Variants in PARD3 observed in about 807,000 individuals in gnomAD.
PARD3 encodes the protein par-3 family cell polarity regulator.
In PARD3, 75 loss-of-function variants were observed where a neutral mutation model predicts 155.4. The ratio of observed to expected loss-of-function variants is 0.48; its 90% CI spans 0.40 to 0.58. The LOEUF (loss-of-function observed/expected upper bound fraction) is 0.58, where lower values mean the gene tolerates loss of function less well. PARD3 is among the 20% of genes least tolerant of loss of function. The pLI is 0.00. For missense variants in PARD3, 1,642 were observed against 1,721.7 expected, an observed-to-expected ratio of 0.95 and a Z score of 0.82; for synonymous variants, 576 against 610.5, an observed-to-expected ratio of 0.94 and a Z score of 0.83.
rs367943578 is a variant in PARD3 at position 34,509,790 on chromosome 10, TGACAA to T, written c.403+7184_403+7188del. Among the ~76,000 whole-genome samples, 1,104 of 151,118 alleles carry T rather than the reference TGACAA, an allele frequency of 7.3e-3. 13 individuals are homozygous for T. Among genetic ancestry groups the T allele is most frequent in the African/African-American group, 0.025 (1,041 of 40,966 alleles). On this transcript the variant is annotated intron_variant, in intron 3 of 24. Transcript: ENST00000374788. ...ACAACAAACACACGCATCGAAAAAA[TGACAA>T]AACAACAAAAAAAAAGCATCACCTG...
intron 12 of PARD3, among the ~76,000 whole-genome samples, chr10:34,363,240 AG>A (rs1839628599): frequency 6.6e-6 from 1 of 152,366 alleles, no homozygotes; most frequent in Admixed American, 6.5e-5. Flanking sequence ...GCATATATGA[AG>A]AAAAATTTTA....
At chr10:34,293,123 T>C (rs927377048) in intron 20 of PARD3, among the ~76,000 whole-genome samples, 1 of 152,122 alleles carries the variant, frequency 6.6e-6, no homozygotes, top group Non-Finnish European at 1.5e-5. Flanking sequence ...GCAAACACAG[T>C]AATCCTTCAA....
intron 22 of PARD3, among the ~76,000 whole-genome samples, chr10:34,187,130 G>T (rs981917371): frequency 2.6e-5 from 4 of 152,136 alleles, no homozygotes; most frequent in Non-Finnish European, 4.4e-5. Flanking sequence ...AGTTTTGGGG[G>T]TCCCAGGGGT....
At chr10:34,589,043 C>A (rs1013494465) in intron 2 of PARD3, among the ~76,000 whole-genome samples, 2 of 152,146 alleles carry the variant, frequency 1.3e-5, no homozygotes, top group Non-Finnish European at 2.9e-5. Context: ...CATAGTGATA[C>A]CCTGTCTCTC....
At chr10:34,476,121 T>G (rs1324286523) in intron 3 of PARD3, among the ~76,000 whole-genome samples, 2 of 152,036 alleles carry the variant, frequency 1.3e-5, no homozygotes, top group Non-Finnish European at 2.9e-5. Context: ...AGACCTTACC[T>G]CAACAAAAAT....
intron 8 of PARD3, among the ~76,000 whole-genome samples, chr10:34,383,674 T>A (rs1842075359): frequency 6.6e-6 from 1 of 152,148 alleles, no homozygotes; most frequent in Non-Finnish European, 1.5e-5. Context: ...AGGGCCTGAA[T>A]CAAGATAAAG....
chr10:34,314,572 G>A (rs1044088594), intron 20 of PARD3, among the ~76,000 whole-genome samples: 5 of 152,176 alleles, frequency 3.3e-5, no homozygotes, highest in African/African-American at 1.2e-4. Flanking sequence ...ACCGTGGGGT[G>A]CTATGTTGCT....
intron 1 of PARD3, among the ~76,000 whole-genome samples, chr10:34,762,469 C>CTTTTTTTTTT (rs72049773): frequency 2.7e-4 from 27 of 98,658 alleles, no homozygotes; most frequent in South Asian, 8.1e-4. Flanking sequence ...CCATGCCTGA[C>CTTTTTTTTTT]TTTTTTTTTT....
At chr10:34,284,821 T>C (rs932045510) in intron 20 of PARD3, among the ~76,000 whole-genome samples, 2 of 152,198 alleles carry the variant, frequency 1.3e-5, no homozygotes, top group Admixed American at 1.3e-4. Context: ...TCTCATCAAA[T>C]ACTCTCCTAA....
At chr10:34,628,269 CT>C (rs2092083041) in intron 2 of PARD3, among the ~76,000 whole-genome samples, 1 of 152,200 alleles carries the variant, frequency 6.6e-6, no homozygotes, top group Non-Finnish European at 1.5e-5. Flanking sequence ...ACATACTCTG[CT>C]GTGTCTTTAC....
In PARD3 at chr10:34,697,778, C is replaced by CACACACACAT. The variant is rs1177801976; in HGVS notation, c.121-1360_121-1359insATGTGTGTGT. Among the ~76,000 whole-genome samples, 4 of 151,526 alleles carry CACACACACAT rather than the reference C, an allele frequency of 2.6e-5. No individual in the cohort carries two copies. In the East Asian group the frequency reaches 7.7e-4, roughly 29 times the overall value. On this transcript the variant is annotated intron_variant, in intron 1 of 24. Coordinates refer to ENST00000374788, the MANE Select transcript of PARD3 (RefSeq NM_001184785.2). ...AGTTTGTAAAACAAACACTCACACACACACACACACACACACGTTGGCATC... is the reference window on the plus strand; with the variant it reads ...AGTTTGTAAAACAAACACTCACACACACACACACATACACACACACACACACGTTGGCATC...
chr10:34,307,986 C>T (rs1463286362), intron 20 of PARD3, among the ~76,000 whole-genome samples: 3 of 152,092 alleles, frequency 2.0e-5, no homozygotes, highest in Admixed American at 6.5e-5. Flanking sequence ...TGGCTAGACC[C>T]TCTAAAAAGC....
intron 22 of PARD3, among the ~76,000 whole-genome samples, chr10:34,266,173 C>T (rs993656473): frequency 6.6e-6 from 1 of 151,740 alleles, no homozygotes; most frequent in Non-Finnish European, 1.5e-5. Context: ...ATTTAAGTAA[C>T]ATTATAATCA....
intron 5 of PARD3, among the ~76,000 whole-genome samples, chr10:34,407,602 C>T (rs570774868): frequency 3.3e-5 from 5 of 152,234 alleles, no homozygotes; most frequent in South Asian, 2.1e-4. Flanking sequence ...AAAAGGCAGT[C>T]GACATACTAC....
chr10:34,573,736 AACACACACACACACACAC>A (rs60211169), intron 2 of PARD3, among the ~76,000 whole-genome samples: 44 of 39,592 alleles, frequency 1.1e-3, no homozygotes, highest in African/African-American at 3.5e-3. Flanking sequence ...AACAAACAAA[AACACACACACACACACAC>A]ACACACACAC....
chr10:34,263,086 C>T (rs1955106391), intron 22 of PARD3, among the ~76,000 whole-genome samples: 1 of 152,198 alleles, frequency 6.6e-6, no homozygotes. Flanking sequence ...AGAATCAAAC[C>T]TGTCTTTATT....
intron 2 of PARD3, among the ~76,000 whole-genome samples, chr10:34,673,381 G>A (rs933277224): frequency 6.6e-6 from 1 of 152,094 alleles, no homozygotes; most frequent in Non-Finnish European, 1.5e-5. Context: ...GTTACATAAA[G>A]CTAAACTTAA....
At chr10:34,788,145 G>A (rs564841858) in intron 1 of PARD3, among the ~76,000 whole-genome samples, 3 of 152,194 alleles carry the variant, frequency 2.0e-5, no homozygotes, top group African/African-American at 4.8e-5. Context: ...ACAAGACCAC[G>A]TGGACAGATA....
chr10:34,315,391 A>C (rs1017684370), intron 20 of PARD3, among the ~76,000 whole-genome samples: 1 of 152,218 alleles, frequency 6.6e-6, no homozygotes, highest in Non-Finnish European at 1.5e-5. Context: ...TATTAGAAGT[A>C]TATTTTTTAC....
Sources: gnomAD v4.1 joint callset for allele counts (sites outside exome capture counted in the v4.1 genomes callset) on GRCh38, gnomAD v4.1.1 for gene constraint, MANE v1.5 for transcripts, NCBI Gene and HGNC (gene_info 2026-07-23, HGNC 2026-07-21) for gene names.